PCLO: variants seen among roughly 807,000 people sequenced by gnomAD.
PCLO encodes protein piccolo.
A neutral mutation model predicts 427.5 loss-of-function variants in PCLO; 82 were observed. The observed-to-expected ratio is 0.19, with a 90% CI of 0.16 to 0.23. The LOEUF is 0.23. Ranked by LOEUF, PCLO falls within the 10% of genes least tolerant of loss-of-function variation. The pLI is 1.00. For missense variants in PCLO, 6,239 were observed against 6,115.9 expected (o/e 1.02, Z -0.67); for synonymous variants, 2,357 against 2,155.4 (o/e 1.09, Z -2.59).
At position 82,902,120 on chromosome 7, in the gene PCLO, T is replaced by C. The variant is rs1584124088; in HGVS notation, c.13528+531A>G. Among the ~76,000 whole-genome samples, 4 of 151,914 alleles carry C rather than the reference T, an allele frequency of 2.6e-5. No homozygotes were observed. The South Asian group carries it at 6.2e-4, about 24-fold the overall frequency. On this transcript the variant is annotated intron_variant, in intron 9 of 24. Coordinates refer to ENST00000333891, the MANE Select transcript of PCLO (RefSeq NM_033026.6). ...TAAATCATGCTGCTATAAAGACACATGCACACGTATGTTTATTGCGGGACT... is the reference window on the plus strand; with the variant it reads ...TAAATCATGCTGCTATAAAGACACACGCACACGTATGTTTATTGCGGGACT...
Position 83,155,769 on chromosome 7 carries a change from C to A in PCLO, c.872G>T (p.Gly291Val). 6.2e-7 allele frequency: 1 copy of A among 1,613,906 alleles called. No individual in the cohort carries two copies. The highest frequency in any genetic ancestry group is 8.5e-7 in the Non-Finnish European group (1 of 1,179,846). Residue 291 changes from glycine (G) to valine (V), a missense_variant, in exon 2 of 25, where the codon GGA becomes GTA. Transcript: ENST00000333891. ...PQTKQADIVR[G>V]ESVKPSLPSP... is the part of the protein sequence containing the mutation. ...TGGCAGTGAGGGTTTAACTGATTCT[C>A]CCCTTACTATGTCTGCCTGTTTAGT...
intron 3 of PCLO, among the ~76,000 whole-genome samples, chr7:83,035,141 A>T (rs781620961): frequency 1.3e-4 from 20 of 152,180 alleles, no homozygotes; most frequent in Non-Finnish European, 2.6e-4. Context: ...AGCATTCACA[A>T]GCACTAGCCA....
At chr7:82,786,492 C>G (rs955049578) in intron 22 of PCLO, among the ~76,000 whole-genome samples, 3 of 152,054 alleles carry the variant, frequency 2.0e-5, no homozygotes, top group African/African-American at 4.8e-5. Context: ...ATTTCCATAT[C>G]TCCATATTAT....
rs3035080 is a variant in PCLO, at chr7:83,001,505, A to AACACACACACACACAC, written c.3301-35034_3301-35019dup. On this transcript the variant is annotated intron_variant, in intron 3 of 24. Transcript: ENST00000333891. ...CTTTGTTCACTCTAACACACATACA[A>AACACACACACACACAC]ACACACACACACACACACACACACA... 4.0e-3 allele frequency among the ~76,000 whole-genome samples: 601 copies of AACACACACACACACAC among 149,136 alleles called. 8 individuals are homozygous for AACACACACACACACAC. Among genetic ancestry groups the AACACACACACACACAC allele is most frequent in the African/African-American group, 0.014 (571 of 40,734 alleles).
In PCLO at chr7:82,758,455, CTTG is replaced by C. The variant is rs952472825; in HGVS notation, c.*117_*119del. ...GTACAAGGTCTTAAGTATGTTTTTG[CTTG>C]TTGTTCCCACTCTTATGTTTGCCTC... On this transcript the variant is annotated 3_prime_UTR_variant, in exon 25 of 25. Coordinates refer to ENST00000333891, the MANE Select transcript of PCLO (RefSeq NM_033026.6). 4.2e-6 allele frequency: 3 copies of C among 715,522 alleles called. No homozygotes were observed. Among genetic ancestry groups the C allele is most frequent in the East Asian group, 5.4e-5 (2 of 37,016 alleles). 44.3% of individuals were successfully genotyped at this position (715,522 alleles called of 1,614,324 possible).
intron 8 of PCLO, among the ~76,000 whole-genome samples, chr7:82,903,694 G>A (rs115983149): frequency 0.01 from 1,547 of 151,932 alleles, 28 homozygotes; most frequent in African/African-American, 0.036. Flanking sequence ...TGTATGTATT[G>A]TCATAGGAAA....
intron 16 of PCLO, among the ~76,000 whole-genome samples, chr7:82,834,476 T>C (rs1481417080): frequency 6.6e-6 from 1 of 152,166 alleles, no homozygotes; most frequent in Non-Finnish European, 1.5e-5. Context: ...TATTTACGTA[T>C]TTATGCTTTT....
At chr7:82,869,885 C>A (rs1584077787) in intron 10 of PCLO, among the ~76,000 whole-genome samples, 2 of 151,852 alleles carry the variant, frequency 1.3e-5, no homozygotes, top group South Asian at 2.1e-4. Context: ...CATGAAATAT[C>A]TTTTCATTCT....
At chr7:83,035,989 A>G (rs1234802845) in intron 3 of PCLO, among the ~76,000 whole-genome samples, 2 of 152,176 alleles carry the variant, frequency 1.3e-5, no homozygotes, top group Non-Finnish European at 2.9e-5. Flanking sequence ...TTGAGTCTAT[A>G]CATTACCTTC....
chr7:83,058,776 A>G (rs187885500), intron 3 of PCLO, among the ~76,000 whole-genome samples: 3 of 152,114 alleles, frequency 2.0e-5, no homozygotes, highest in Admixed American at 2.0e-4. Flanking sequence ...TCGACTCCAC[A>G]GCTCACCCTC....
intron 3 of PCLO, among the ~76,000 whole-genome samples, chr7:83,006,769 G>A (rs539697548): frequency 2.0e-5 from 3 of 151,272 alleles, no homozygotes; most frequent in Non-Finnish European, 3.0e-5. Context: ...TTTATTAAAC[G>A]CATTACTTGT....
chr7:83,013,082 G>C (rs1041991215), intron 3 of PCLO, among the ~76,000 whole-genome samples: 8 of 151,938 alleles, frequency 5.3e-5, no homozygotes, highest in African/African-American at 1.9e-4. Flanking sequence ...TAATTCCTAA[G>C]ATCATATACA....
At chr7:83,132,057 T>C (rs1277567018) in intron 3 of PCLO, among the ~76,000 whole-genome samples, 1 of 152,170 alleles carries the variant, frequency 6.6e-6, no homozygotes, top group African/African-American at 2.4e-5. Flanking sequence ...TCCAAAGTCC[T>C]ATGGAGTAAT....
chr7:82,824,232 C>T lies in PCLO; in HGVS notation c.14596+4G>A. 6.3e-7 allele frequency: 1 copy of T among 1,590,632 alleles called. No homozygotes were observed. Among genetic ancestry groups the T allele is most frequent in the Middle Eastern group, 1.7e-4 (1 of 5,734 alleles). Reference sequence around the variant, plus strand: ...CTTTTTCTACTTAAAAAAATATTTCCTACCCTTTGATGGGTCAGGGAAGAT... The same window carrying T: ...CTTTTTCTACTTAAAAAAATATTTCTTACCCTTTGATGGGTCAGGGAAGAT... On this transcript the variant is annotated splice_donor_region_variant and intron_variant, in intron 19 of 24. Transcript: ENST00000333891.
chr7:83,109,282 C>A (rs918265313), intron 3 of PCLO, among the ~76,000 whole-genome samples: 1 of 152,090 alleles, frequency 6.6e-6, no homozygotes, highest in Non-Finnish European at 1.5e-5. Flanking sequence ...CTCTAGTGTT[C>A]TTAATTGATT....
Position 82,794,459 on chromosome 7 carries a change from C to CTTTTTTTTT in PCLO, c.15007+7050_15007+7058dup, listed in dbSNP as rs778108792. On this transcript the variant is annotated intron_variant, in intron 22 of 24. Coordinates refer to ENST00000333891, the MANE Select transcript of PCLO (RefSeq NM_033026.6). Reference sequence around the variant, plus strand: ...ACATGCTAGTTCATAAATTTTTTTTCTTTTTTTTTTTTTTTTTTTTTTTTT... The same window carrying CTTTTTTTTT: ...ACATGCTAGTTCATAAATTTTTTTTCTTTTTTTTTTTTTTTTTTTTTTTTTTTTTTTTTT... Among the ~76,000 whole-genome samples the CTTTTTTTTT allele has an allele frequency of 3.7e-4, 21 of 56,364 alleles. 5 individuals carry two copies. The highest frequency in any genetic ancestry group is 1.4e-3 in the South Asian group (1 of 710). 37.0% of individuals were successfully genotyped at this position (56,364 alleles called of 152,430 possible).
intron 3 of PCLO, among the ~76,000 whole-genome samples, chr7:83,013,253 G>A (rs1788129635): frequency 6.6e-6 from 1 of 152,086 alleles, no homozygotes; most frequent in African/African-American, 2.4e-5. Context: ...AATAATATAA[G>A]TTTTACATTT....
chr7:82,926,750 A>G (rs746677606), intron 6 of PCLO, among the ~76,000 whole-genome samples: 7 of 152,106 alleles, frequency 4.6e-5, no homozygotes, highest in Non-Finnish European at 8.8e-5. Context: ...ATTGCATTAT[A>G]TTTTCTGGAA....
At chr7:83,065,542 T>C (rs904561111) in intron 3 of PCLO, among the ~76,000 whole-genome samples, 1 of 149,324 alleles carries the variant, frequency 6.7e-6, no homozygotes, top group Middle Eastern at 3.2e-3. Context: ...CTTTAAACTA[T>C]CTGTTGAAGA....
Sources: gnomAD v4.1 joint callset for allele counts (sites outside exome capture counted in the v4.1 genomes callset) on GRCh38, gnomAD v4.1.1 for gene constraint, MANE v1.5 for transcripts, NCBI Gene and HGNC (gene_info 2026-07-23, HGNC 2026-07-21) for gene names.